ZNF625: variants seen among roughly 807,000 people sequenced by gnomAD.
ZNF625 encodes zinc finger protein 625.
ZNF625 carries 8 observed loss-of-function variants against 11.1 expected under a neutral mutation model. The observed-to-expected ratio is 0.72, with a 90% confidence interval of 0.42 to 1.30. ZNF625 has a LOEUF of 1.30. Among genes scored for constraint, ZNF625 ranks in the 50% most tolerant of loss-of-function variants. ZNF625 has a pLI of 0.01. For synonymous variants in ZNF625, 145 were observed against 153.4 expected (o/e 0.95, Z 0.41); for missense variants, 349 against 447.6 (o/e 0.78, Z 1.99).
chr19:12,153,152 G>A (rs764032590), intron 1 of ZNF625, among the ~76,000 whole-genome samples: 2 of 151,922 alleles, frequency 1.3e-5, no homozygotes, highest in Non-Finnish European at 2.9e-5. Flanking sequence ...AGGAGTTCAA[G>A]ACCAACCTGG....
At chr19:12,156,194 C>A (rs1372496672) in intron 1 of ZNF625, among the ~76,000 whole-genome samples, 1 of 152,114 alleles carries the variant, frequency 6.6e-6, no homozygotes, top group East Asian at 1.9e-4. Flanking sequence ...CGCAGCCCAC[C>A]GCTCCTCCCA....
At chr19:12,150,155 GA>G (rs1162887034) in intron 1 of ZNF625, among the ~76,000 whole-genome samples, 1 of 152,146 alleles carries the variant, frequency 6.6e-6, no homozygotes, top group Non-Finnish European at 1.5e-5. Context: ...TGGCTCTGTG[GA>G]AAAATGAAAA....
chr19:12,145,978 A>G lies in ZNF625; in HGVS notation c.438T>C (p.Asp146=). The change falls in exon 4 of 4, where the codon GAT becomes GAC. Residue 146 remains aspartate, a synonymous_variant. Transcript: ENST00000439556. ...KCTYCKKAFS[D]LPYFRTHEWA... ...ATTCATGTGTTCGAAAGTAGGGGAGATCACTGAAGGCTTTCTTACAGTATG... is the reference window on the plus strand; with the variant it reads ...ATTCATGTGTTCGAAAGTAGGGGAGGTCACTGAAGGCTTTCTTACAGTATG... The G allele has an allele frequency of 6.2e-7, 1 of 1,614,184 alleles. No homozygotes were observed. Among genetic ancestry groups the G allele is most frequent in the South Asian group, 1.1e-5 (1 of 91,076 alleles).
At chr19:12,146,984 T>TTTTTTTTTTTTTTTTTTTTTTTTG (rs1976885085) in intron 3 of ZNF625, among the ~76,000 whole-genome samples, 1 of 151,036 alleles carries the variant, frequency 6.6e-6, no homozygotes, top group Non-Finnish European at 1.5e-5. Flanking sequence ...TTTTTTTTTT[T>TTTTTTTTTTTTTTTTTTTTTTTTG]GAGACGGAGT....
chr19:12,145,439 G>C lies in ZNF625; in HGVS notation c.977C>G (p.Thr326Ser). 6.2e-7 allele frequency: 1 copy of C among 1,614,190 alleles called. No homozygotes were observed. The highest frequency in any genetic ancestry group is 8.5e-7 in the Non-Finnish European group (1 of 1,180,038). ...SHLRTHGRTHTGEKPYECKQC... is the reference protein window; with the variant it reads ...SHLRTHGRTHSGEKPYECKQC... ...TTTACATTCATAGGGTTTCTCTCCA[G>C]TGTGAGTCCTTCCATGTGTTCGAAG... Residue 326 changes from threonine (T) to serine (S), a missense_variant, in exon 4 of 4, where the codon ACT (threonine) becomes AGT (serine). Coordinates refer to ENST00000439556, the MANE Select transcript of ZNF625 (RefSeq NM_145233.4).
In ZNF625 at chr19:12,145,161, G is replaced by C; in HGVS notation, c.*136C>G. The C allele has an allele frequency of 8.8e-7, 1 of 1,134,104 alleles. No homozygotes were observed. Among genetic ancestry groups the C allele is most frequent in the South Asian group, 1.6e-5 (1 of 63,832 alleles). 70.3% of individuals were successfully genotyped at this position (1,134,104 alleles called of 1,614,324 possible). A position where few individuals can be genotyped will look rare whatever the true frequency, so the allele number is the denominator to read the frequency against. On this transcript the variant is annotated 3_prime_UTR_variant, in exon 4 of 4. Coordinates refer to ENST00000439556, the MANE Select transcript of ZNF625 (RefSeq NM_145233.4). ...CAAAAATTTTTGCTCCTGGGCTACT[G>C]GCATTTATTTCTGAATGCTGTCAAA...
In ZNF625 at chr19:12,145,349, T is replaced by G. The variant is rs1224741001; in HGVS notation, c.1067A>C (p.Glu356Ala). Reference sequence around the variant, plus strand: ...CGAAGTGTTGGAGCTACAGGGTTTTTCTCCAGTGTGAGTCCTTTCATGGAT... The same window carrying G: ...CGAAGTGTTGGAGCTACAGGGTTTTGCTCCAGTGTGAGTCCTTTCATGGAT... ...VKIHERTHTG[E>A]KPCSSNTSKG... is the part of the protein sequence containing the mutation. Residue 356 changes from glutamate to alanine, a missense_variant, in exon 4 of 4, where the codon GAA becomes GCA. Transcript: ENST00000439556. 1 of 1,614,010 alleles carries G rather than the reference T, an allele frequency of 6.2e-7. No homozygotes were observed. The highest frequency in any genetic ancestry group is 8.5e-7 in the Non-Finnish European group (1 of 1,180,012).
intron 1 of ZNF625, among the ~76,000 whole-genome samples, chr19:12,155,273 A>G (rs1262826576): frequency 3.3e-5 from 5 of 151,998 alleles, no homozygotes; most frequent in Non-Finnish European, 7.4e-5. Context: ...ATAAATACTA[A>G]ATTGCAAACA....
At chr19:12,148,824 G>A (rs1024964721) in intron 1 of ZNF625, among the ~76,000 whole-genome samples, 28 of 151,390 alleles carry the variant, frequency 1.8e-4, no homozygotes, top group Non-Finnish European at 2.8e-4. Context: ...GGGTTTCACC[G>A]TCTTGGCCAG....
intron 1 of ZNF625, among the ~76,000 whole-genome samples, chr19:12,155,450 C>T (rs1434307878): frequency 6.6e-6 from 1 of 152,156 alleles, no homozygotes; most frequent in Non-Finnish European, 1.5e-5. Flanking sequence ...CAACTTCACA[C>T]TCTCAGCCAA....
At chr19:12,149,741 GTAT>G (rs1336360905) in intron 1 of ZNF625, among the ~76,000 whole-genome samples, 5 of 151,860 alleles carry the variant, frequency 3.3e-5, no homozygotes, top group African/African-American at 1.2e-4. Flanking sequence ...TTCGGCAGAA[GTAT>G]TTTTTTTTTT....
rs1976863255 is a variant in ZNF625, at chr19:12,145,860, T to G, written c.556A>C (p.Ser186Arg). The G allele has an allele frequency of 6.2e-7, 1 of 1,614,228 alleles. No homozygotes were observed. The highest frequency in any genetic ancestry group is 8.5e-7 in the Non-Finnish European group (1 of 1,180,032). ...SSIRRHRIMH[S>R]GDGPYKCNFC... ...TTACATTTGTAGGGTCCATCTCCAC[T>G]GTGCATTATCCTGTGTCTTCGAATG... is the stretch of plus-strand genomic sequence containing the variant. Residue 186 changes from serine (S) to arginine (R), a missense_variant, in exon 4 of 4, where the codon AGT (serine) becomes CGT (arginine). Transcript: ENST00000439556.
rs759609189 is a variant in ZNF625, at chr19:12,146,114, G to A, written c.302C>T (p.Ser101Leu). The A allele has an allele frequency of 6.2e-7, 1 of 1,614,130 alleles. No homozygotes were observed. Among genetic ancestry groups the A allele is most frequent in the South Asian group, 1.1e-5 (1 of 91,084 alleles). ...ATGACCCACGCTGACTTCTCCACAT[G>A]ATTTTACTCGGGGAGTTTTCTTCTT... Reference protein sequence around the residue: ...MLKKKTPRVKSCGEVSVGHAS... With the variant: ...MLKKKTPRVKLCGEVSVGHAS... The change falls in exon 4 of 4, where the codon TCA (serine) becomes TTA (leucine). Residue 101 changes from serine (S) to leucine (L), a missense_variant. Transcript: ENST00000439556.
intron 2 of ZNF625, 79 bp downstream of exon 2, chr19:12,147,597 C>A: frequency 6.2e-7 from 1 of 1,604,460 alleles, no homozygotes; most frequent in Non-Finnish European, 8.5e-7. Context: ...TGTCCACACT[C>A]CAAATCACTC....
At chr19:12,155,970 C>T (rs1364075823) in intron 1 of ZNF625, among the ~76,000 whole-genome samples, 4 of 152,078 alleles carry the variant, frequency 2.6e-5, no homozygotes, top group Non-Finnish European at 5.9e-5. Flanking sequence ...CCCACCTCAG[C>T]CCCCCAGTAG....
Position 12,156,540 on chromosome 19 carries a change from G to T in ZNF625, c.3+16C>A. On this transcript the variant is annotated intron_variant, in intron 1 of 3. Transcript: ENST00000439556. The stretch of plus-strand genomic sequence containing the variant: ...GCCCCTCCCCCGTCTCGGGACCCCC[G>T]GCCCCGCACACTCACCATTTCCCGG... 1 of 1,424,946 alleles carries T rather than the reference G, an allele frequency of 7.0e-7. No homozygotes were observed. The highest frequency in any genetic ancestry group is 9.2e-7 in the Non-Finnish European group (1 of 1,087,586). The allele number at this position is 1,424,946 out of a possible 1,614,324, so 88.3% of individuals were successfully genotyped here.
chr19:12,145,260 T>G lies in ZNF625; in HGVS notation c.*37A>C, dbSNP rs1166534992. The G allele has an allele frequency of 1.3e-6, 2 of 1,540,246 alleles. No homozygotes were observed. Among genetic ancestry groups the G allele is most frequent in the Non-Finnish European group, 1.7e-6 (2 of 1,143,576 alleles). ...ATTTGAGGGAAACACATTTTTACCA[T>G]GATTGGATTCGGTGGCTTCTAGGAA... On this transcript the variant is annotated 3_prime_UTR_variant, in exon 4 of 4. Transcript: ENST00000439556.
chr19:12,155,687 T>A (rs1436001243), intron 1 of ZNF625, among the ~76,000 whole-genome samples: 4 of 152,194 alleles, frequency 2.6e-5, no homozygotes, highest in African/African-American at 4.8e-5. Flanking sequence ...AGAACATAGT[T>A]CAAGTTATTT....
chr19:12,150,262 G>A (rs1242296384), intron 1 of ZNF625, among the ~76,000 whole-genome samples: 1 of 152,124 alleles, frequency 6.6e-6, no homozygotes, highest in African/African-American at 2.4e-5. Context: ...ATGTGGGAAG[G>A]GAATCAGAAA....
Sources: allele counts gnomAD v4.1 joint callset (sites outside exome capture counted in the v4.1 genomes callset), GRCh38; gene constraint gnomAD v4.1.1; transcripts MANE v1.5; gene names NCBI Gene and HGNC (gene_info 2026-07-23, HGNC 2026-07-21).